Variants in FNBP1 observed in about 807,000 individuals in gnomAD.
FNBP1 encodes the protein formin binding protein 1.
Under a neutral mutation model 90.6 loss-of-function variants are expected in FNBP1, and 26 were observed. That is an observed-to-expected ratio of 0.29 (90% CI 0.21 to 0.40). The LOEUF is 0.40. Ranked by LOEUF, FNBP1 falls within the 10% of genes least tolerant of loss-of-function variation. The pLI, the probability that FNBP1 is intolerant of heterozygous loss-of-function variation, is 1.00. For missense variants in FNBP1, 635 were observed against 768.0 expected, an observed-to-expected ratio of 0.83 and a Z score of 2.05; for synonymous variants, 260 against 265.2, an observed-to-expected ratio of 0.98 and a Z score of 0.19.
At chr9:129,986,082 G>C (rs1034971210) in intron 2 of FNBP1, among the ~76,000 whole-genome samples, 1 of 151,338 alleles carries the variant, frequency 6.6e-6, no homozygotes, top group African/African-American at 2.4e-5. Context: ...GTTGCAGTGA[G>C]CTGAGATCGT....
At chr9:129,901,261 C>T (rs1243175616) in intron 13 of FNBP1, among the ~76,000 whole-genome samples, 1 of 151,880 alleles carries the variant, frequency 6.6e-6, no homozygotes, top group Non-Finnish European at 1.5e-5. Context: ...CAAAAATTAG[C>T]TGGGGGTGGT....
At chr9:129,993,273 C>T (rs2053490026) in intron 2 of FNBP1, among the ~76,000 whole-genome samples, 1 of 150,080 alleles carries the variant, frequency 6.7e-6, no homozygotes. Flanking sequence ...GTTTCTAAAT[C>T]AAAATCATCT....
chr9:130,035,551 A>G (rs2059230864), intron 1 of FNBP1, among the ~76,000 whole-genome samples: 2 of 152,218 alleles, frequency 1.3e-5, no homozygotes, highest in South Asian at 4.1e-4. Flanking sequence ...GGATTCTTGT[A>G]ACAAATAAAC....
At chr9:129,942,816 A>T (rs545290173) in intron 6 of FNBP1, among the ~76,000 whole-genome samples, 6 of 141,134 alleles carry the variant, frequency 4.3e-5, no homozygotes, top group Non-Finnish European at 9.0e-5. Flanking sequence ...TCGGGGTCAC[A>T]TTCATCCTGC....
chr9:129,925,585 G>T, intron 8 of FNBP1, among the ~76,000 whole-genome samples: 1 of 121,858 alleles, frequency 8.2e-6, no homozygotes, highest in African/African-American at 3.1e-5. Flanking sequence ...TTTTTTCCTA[G>T]TAGCTTTTTT....
Position 129,948,356 on chromosome 9 carries a change from C to CTTTTTTTT in FNBP1, c.513+8996_513+9003dup, listed in dbSNP as rs71385491. On this transcript the variant is annotated intron_variant, in intron 6 of 16. Transcript: ENST00000446176. ...TCATACAAAACACCTATTTTGGTGTCTTTTTTTTTTTTTTTTTTTTTTTTT... is the reference window on the plus strand; with the variant it reads ...TCATACAAAACACCTATTTTGGTGTCTTTTTTTTTTTTTTTTTTTTTTTTTTTTTTTTT... 1.6e-4 allele frequency among the ~76,000 whole-genome samples: 10 copies of CTTTTTTTT among 64,478 alleles called. 1 individual carries two copies. The highest frequency in any genetic ancestry group is 1.0e-3 in the East Asian group (2 of 2,008). 42.3% of individuals were successfully genotyped at this position (64,478 alleles called of 152,430 possible). A position where few individuals can be genotyped will look rare whatever the true frequency, so the allele number is the denominator to read the frequency against.
intron 12 of FNBP1, among the ~76,000 whole-genome samples, chr9:129,907,096 T>G (rs2038234117): frequency 6.6e-6 from 1 of 151,500 alleles, no homozygotes; most frequent in Non-Finnish European, 1.5e-5. Context: ...TTTTTTTTTT[T>G]TCTTTCCTTT....
intron 16 of FNBP1, 137 bp downstream of exon 16, chr9:129,895,700 CT>C (rs2035594140): frequency 1.5e-6 from 2 of 1,361,756 alleles, no homozygotes; most frequent in Non-Finnish European, 1.9e-6. Flanking sequence ...CCACGTGAGA[CT>C]ACAGGAGAAC....
rs369351964 is a variant in FNBP1 at position 129,987,129 on chromosome 9, G to A, written c.140+7714C>T. On this transcript the variant is annotated intron_variant, in intron 2 of 16. Transcript: ENST00000446176. ...GCCCCAGACTTTTCCTCCAAAAGAC[G>A]ATGCAGCCACATGGAGAGAGAAAGT... 3.2e-4 allele frequency among the ~76,000 whole-genome samples: 48 copies of A among 152,186 alleles called. No homozygotes were observed. In the South Asian group the frequency reaches 8.7e-3, roughly 28 times the overall value.
chr9:129,896,912 T>TG (rs1329374555), intron 15 of FNBP1, among the ~76,000 whole-genome samples: 1 of 152,260 alleles, frequency 6.6e-6, no homozygotes, highest in Non-Finnish European at 1.5e-5. Context: ...ATTACAGGCG[T>TG]GAGCCACCAC....
chr9:129,923,503 C>T (rs552686569), intron 10 of FNBP1, among the ~76,000 whole-genome samples: 11 of 150,950 alleles, frequency 7.3e-5, no homozygotes, highest in African/African-American at 9.7e-5. Context: ...CGCTTAAACC[C>T]GGGAGGTGGA....
chr9:129,977,188 A>G lies in FNBP1; in HGVS notation c.345+1277T>C, dbSNP rs1055538714. Among the ~76,000 whole-genome samples, 114 of 152,188 alleles carry G rather than the reference A, an allele frequency of 7.5e-4. 1 individual carries two copies. Among genetic ancestry groups the G allele is most frequent in the Non-Finnish European group, 3.5e-4 (24 of 67,998 alleles). ...AAAAAAAAAATGTTATCACTGGCCA[A>G]CGTGATTACTTTATTACTAGTAACA... On this transcript the variant is annotated intron_variant, in intron 4 of 16. Coordinates refer to ENST00000446176, the MANE Select transcript of FNBP1 (RefSeq NM_015033.3).
In FNBP1 at chr9:129,958,421, G is replaced by C. The variant is rs141127051; in HGVS notation, c.408+70C>G. The C allele has an allele frequency of 3.3e-6, 4 of 1,196,088 alleles. No individual in the cohort carries two copies. The African/African-American group carries it at 6.6e-5, about 20-fold the overall frequency. 74.1% of individuals were successfully genotyped at this position (1,196,088 alleles called of 1,614,324 possible). On this transcript the variant is annotated intron_variant, in intron 5 of 16. Transcript: ENST00000446176. ...CACTCCAACCTGGGCAACAGAGGGA[G>C]CCTCCGTCTCAAAAAAAAAGAAAAA...
chr9:129,892,673 G>A (rs1188918505), intron 16 of FNBP1, among the ~76,000 whole-genome samples: 2 of 152,290 alleles, frequency 1.3e-5, no homozygotes, highest in East Asian at 3.9e-4. Context: ...ACAACTGCTA[G>A]AAGATAATAA....
chr9:130,021,760 T>TTATG (rs2057851033), intron 1 of FNBP1, among the ~76,000 whole-genome samples: 1 of 152,208 alleles, frequency 6.6e-6, no homozygotes, highest in African/African-American at 2.4e-5. Flanking sequence ...ATCAATTGTT[T>TTATG]TATACAGCAT....
intron 1 of FNBP1, among the ~76,000 whole-genome samples, chr9:130,029,928 G>T (rs1270593109): frequency 6.6e-6 from 1 of 152,050 alleles, no homozygotes; most frequent in Non-Finnish European, 1.5e-5. Flanking sequence ...AGGTTGCAGT[G>T]AGCCTTGATT....
chr9:130,043,239 G>A (rs921540169), upstream of FNBP1: 44 of 310,314 alleles, frequency 1.4e-4, no homozygotes, highest in African/African-American at 8.5e-4. Context: ...GGGGAGGGGC[G>A]GGAGGGGAGG....
intron 6 of FNBP1, among the ~76,000 whole-genome samples, chr9:129,933,923 A>G (rs929248863): frequency 2.6e-5 from 4 of 152,212 alleles, no homozygotes; most frequent in Admixed American, 2.6e-4. Flanking sequence ...CCATTGTTCT[A>G]ACCAAATTTC....
At chr9:129,943,992 C>CAAAAA (rs397936316) in intron 6 of FNBP1, among the ~76,000 whole-genome samples, 2,094 of 59,920 alleles carry the variant, frequency 0.035, 218 homozygotes, top group African/African-American at 0.082. Context: ...GACTCCATCT[C>CAAAAA]AAAAAAAAAA....
Sources: gnomAD v4.1 joint callset for allele counts (sites outside exome capture counted in the v4.1 genomes callset) on GRCh38, gnomAD v4.1.1 for gene constraint, MANE v1.5 for transcripts, NCBI Gene and HGNC (gene_info 2026-07-23, HGNC 2026-07-21) for gene names.